Variants in CHTF18 observed in about 807,000 individuals in gnomAD.
CHTF18 encodes chromosome transmission fidelity protein 18 homolog.
In CHTF18, 151 loss-of-function variants were observed where a neutral mutation model predicts 113.4. That is an observed-to-expected ratio of 1.33 (90% CI 1.17 to 1.52). The LOEUF (loss-of-function observed/expected upper bound fraction) is 1.52, where lower values mean the gene tolerates loss of function less well. CHTF18 is among the 40% of genes most tolerant of loss of function. CHTF18 has a pLI of 0.00. For missense variants in CHTF18, 1,982 were observed against 1,381.6 expected, an observed-to-expected ratio of 1.43 and a Z score of -6.89; for synonymous variants, 916 against 598.8, an observed-to-expected ratio of 1.53 and a Z score of -7.74.
chr16:794,822 C>T lies in CHTF18; in HGVS notation c.1951-310C>T, dbSNP rs540684684. ...GGAGGGGCTGAGTGAGGCTGGATCCCTTTGGTTCCTGGAGGCCTCCTGGTG... is the reference window on the plus strand; with the variant it reads ...GGAGGGGCTGAGTGAGGCTGGATCCTTTTGGTTCCTGGAGGCCTCCTGGTG... On this transcript the variant is annotated intron_variant, in intron 15 of 21. Transcript: ENST00000262315. The T allele has an allele frequency of 8.0e-5, 34 of 423,520 alleles. No homozygotes were observed. In the South Asian group the frequency reaches 8.4e-4, roughly 10 times the overall value. 26.2% of individuals were successfully genotyped at this position (423,520 alleles called of 1,614,324 possible).
At chr16:791,971 C>G (rs371033598) in intron 9 of CHTF18, 23 bp downstream of exon 9, 4 of 1,591,388 alleles carry the variant, frequency 2.5e-6, no homozygotes, top group East Asian at 4.6e-5. Context: ...AGGTCCGTCT[C>G]TGGCTCGCCT....
intron 4 of CHTF18, chr16:789,938 C>G: frequency 6.7e-7 from 1 of 1,499,876 alleles, no homozygotes; most frequent in Non-Finnish European, 8.9e-7. Context: ...GAGAGGGCCT[C>G]CTTGCTTCCC....
At chr16:789,789 C>T (rs527639676) in intron 4 of CHTF18, 74 bp downstream of exon 4, 3 of 1,458,432 alleles carry the variant, frequency 2.1e-6, no homozygotes, top group African/African-American at 1.4e-5. Flanking sequence ...AGCCCCTCAC[C>T]CCTGCCATTT....
Position 792,353 on chromosome 16 carries a change from C to T in CHTF18, c.1326+6C>T, listed in dbSNP as rs1343247362. 7 of 1,556,506 alleles carry T rather than the reference C, an allele frequency of 4.5e-6. No homozygotes were observed. The highest frequency in any genetic ancestry group is 1.7e-4 in the Middle Eastern group (1 of 6,020). ...AGATCGACGGGGCCCCCGTGGTGGGCTCCTTGATGCCTGGGTAGGTGGGTG... is the reference window on the plus strand; with the variant it reads ...AGATCGACGGGGCCCCCGTGGTGGGTTCCTTGATGCCTGGGTAGGTGGGTG... On this transcript the variant is annotated splice_donor_region_variant and intron_variant, in intron 10 of 21. Transcript: ENST00000262315.
Position 789,347 on chromosome 16 carries a change from C to A in CHTF18, c.424C>A (p.Leu142Ile), listed in dbSNP as rs759970104. Residue 142 changes from leucine (L) to isoleucine (I), a missense_variant, in exon 3 of 22, where the codon CTT becomes ATT. Coordinates refer to ENST00000262315, the MANE Select transcript of CHTF18 (RefSeq NM_022092.3). ...PPPSPEDLAE[L>I]WGHGVSEAAA... is the part of the protein sequence containing the mutation. ...GCCGAGCCCTGAGGACCTCGCAGAGCTTTGGGGCCACGGGTGTGTGGCTTG... is the reference window on the plus strand; with the variant it reads ...GCCGAGCCCTGAGGACCTCGCAGAGATTTGGGGCCACGGGTGTGTGGCTTG... 2.5e-6 allele frequency: 4 copies of A among 1,595,232 alleles called. No individual in the cohort carries two copies. Among genetic ancestry groups the A allele is most frequent in the African/African-American group, 1.3e-5 (1 of 74,554 alleles).
Position 789,195 on chromosome 16 carries a change from A to C in CHTF18, c.287-15A>C. The C allele has an allele frequency of 6.4e-7, 1 of 1,550,562 alleles. No homozygotes were observed. The highest frequency in any genetic ancestry group is 8.7e-7 in the Non-Finnish European group (1 of 1,147,134). ...GCTGAGGAGGCCTCTGGTTCCCTGC[A>C]TGTGTCTCCCCCAGCCCCCAGGATC... On this transcript the variant is annotated splice_polypyrimidine_tract_variant and intron_variant, in intron 2 of 21. Coordinates refer to ENST00000262315, the MANE Select transcript of CHTF18 (RefSeq NM_022092.3).
rs137893865 is a variant in CHTF18, at chr16:790,294, G to A, written c.699+25G>A. ...GGTAGGGGCTGCGGGTTTGCTGGGG[G>A]GCGGTGGCGGGGCCGCCTGAGCCCT... On this transcript the variant is annotated intron_variant, in intron 5 of 21. Coordinates refer to ENST00000262315, the MANE Select transcript of CHTF18 (RefSeq NM_022092.3). 412 of 1,608,986 alleles carry A rather than the reference G, an allele frequency of 2.6e-4. 1 individual carries two copies. In the African/African-American group the frequency reaches 4.6e-3, roughly 18 times the overall value.
chr16:795,663 C>T (rs751366225), intron 16 of CHTF18, 22 bp from the exon 17 acceptor site: 3 of 1,562,416 alleles, frequency 1.9e-6, no homozygotes, highest in Non-Finnish European at 2.6e-6. Flanking sequence ...GTGACCAGGC[C>T]TTGGCTCACC....
chr16:793,307 T>C, intron 14 of CHTF18, 33 bp downstream of exon 14: 2 of 1,601,540 alleles, frequency 1.2e-6, no homozygotes, highest in Non-Finnish European at 1.7e-6. Flanking sequence ...GCCCAGATGC[T>C]CACGGTGCCC....
chr16:791,000 T>A, intron 7 of CHTF18, 161 bp from the exon 8 acceptor site: 1 of 1,458,652 alleles, frequency 6.9e-7, no homozygotes, highest in Non-Finnish European at 9.0e-7. Flanking sequence ...GTGGAGCCCC[T>A]GGTGTGAGCC....
chr16:790,908 C>A (rs1253723635), intron 7 of CHTF18: 10 of 1,432,784 alleles, frequency 7.0e-6, no homozygotes, highest in Non-Finnish European at 7.3e-6. Context: ...TGTTCCCTTT[C>A]CTACCTTCAC....
Position 796,069 on chromosome 16 carries a change from G to A in CHTF18, c.2448G>A (p.Arg816=), listed in dbSNP as rs142211274. Residue 816 remains arginine (R), a synonymous_variant, in exon 18 of 22, where the codon AGG becomes AGA. Transcript: ENST00000262315. Reference sequence around the variant, plus strand: ...CGCCCGATGGCCAGTACATCTACAGGCTGGAGCCGTGAGTCCCCCAGTGCC... The same window carrying A: ...CGCCCGATGGCCAGTACATCTACAGACTGGAGCCGTGAGTCCCCCAGTGCC... The part of the protein sequence containing the change: ...ERTPDGQYIY[R]LEPNVEELCR... 0.012 allele frequency: 19,003 copies of A among 1,602,056 alleles called. 158 individuals carry two copies. The highest frequency in any genetic ancestry group is 0.014 in the Non-Finnish European group (16,892 of 1,175,364).
rs1237247473 is a variant in CHTF18 at position 797,110 on chromosome 16, G to T, written c.2733+18G>T. 3 of 1,498,638 alleles carry T rather than the reference G, an allele frequency of 2.0e-6. No homozygotes were observed. Among genetic ancestry groups the T allele is most frequent in the Non-Finnish European group, 2.7e-6 (3 of 1,129,942 alleles). 92.8% of individuals were successfully genotyped at this position (1,498,638 alleles called of 1,614,324 possible). On this transcript the variant is annotated intron_variant, in intron 20 of 21. Transcript: ENST00000262315. ...AGGAACAGGTGTGGAATGGGCAGCT[G>T]TGGGGGTGGGACCAGGGTACATACC...
In CHTF18 at chr16:790,419, C is replaced by G; in HGVS notation, c.752+20C>G. The G allele has an allele frequency of 6.2e-7, 1 of 1,612,212 alleles. No individual in the cohort carries two copies. The highest frequency in any genetic ancestry group is 8.5e-7 in the Non-Finnish European group (1 of 1,179,722). On this transcript the variant is annotated intron_variant, in intron 6 of 21. Transcript: ENST00000262315. ...GCACAGGTGACTTGGTTGGCCCTTC[C>G]GCCCTGGGGACCCTTGTTGGCTCTT... is the stretch of plus-strand genomic sequence containing the variant.
chr16:790,560 T>C lies in CHTF18; in HGVS notation c.788T>C (p.Leu263Ser). ...RSGEEEAAQP[L>S]GAPEEEPTDG... ...GGGGAGGAGGAGGCAGCCCAGCCCT[T>C]GGGGGCCCCTGAGGAGGAGCCGACT... is the stretch of plus-strand genomic sequence containing the variant. The change falls in exon 7 of 22, where the codon TTG becomes TCG. Residue 263 changes from leucine to serine, a missense_variant. By Grantham distance (145) the Leu-to-Ser change is moderately radical. Coordinates refer to ENST00000262315, the MANE Select transcript of CHTF18 (RefSeq NM_022092.3). The C allele has an allele frequency of 6.3e-7, 1 of 1,596,906 alleles. No individual in the cohort carries two copies. Among genetic ancestry groups the C allele is most frequent in the East Asian group, 2.3e-5 (1 of 44,214 alleles).
In CHTF18 at chr16:792,441, C is replaced by T. The variant is rs758299707; in HGVS notation, c.1329C>T (p.Ala443=). The T allele has an allele frequency of 3.3e-5, 52 of 1,561,644 alleles. 1 individual carries two copies. The highest frequency in any genetic ancestry group is 1.7e-4 in the Middle Eastern group (1 of 6,026). ...CGTGTCCTCTGACCTCCCCCAAGGC[C>T]GCCATCAACGTCCTCCTGAGCATCC... The part of the protein sequence containing the change: ...VIDEIDGAPV[A]AINVLLSILN... Residue 443 remains alanine, a splice_region_variant and synonymous_variant, in exon 11 of 22, where the codon GCC becomes GCT. Transcript: ENST00000262315.
intron 15 of CHTF18, 38 bp downstream of exon 15, chr16:794,239 C>A (rs773990680): frequency 1.3e-6 from 2 of 1,599,938 alleles, no homozygotes; most frequent in Non-Finnish European, 1.7e-6. Flanking sequence ...CTGGGGCCGC[C>A]TGGCTAGGAC....
In CHTF18 at chr16:789,023, G is replaced by A. The variant is rs1335459467; in HGVS notation, c.184G>A (p.Ala62Thr). 3.9e-6 allele frequency: 6 copies of A among 1,536,324 alleles called. No individual in the cohort carries two copies. The highest frequency in any genetic ancestry group is 4.4e-6 in the Non-Finnish European group (5 of 1,143,102). The change falls in exon 2 of 22, where the codon GCC becomes ACC. Residue 62 changes from alanine to threonine, a missense_variant. Transcript: ENST00000262315. Reference protein sequence around the residue: ...FEEALARGDAASSPAPAASVG... With the variant: ...FEEALARGDATSSPAPAASVG... ...GGAGGCCCTTGCCAGAGGGGACGCG[G>A]CCTCCAGTCCCGCCCCAGCCGCATC... is the stretch of plus-strand genomic sequence containing the variant.
intron 14 of CHTF18, chr16:793,790 G>A: frequency 3.0e-6 from 2 of 661,308 alleles, no homozygotes; most frequent in Non-Finnish European, 2.7e-6. Context: ...CCCGGAGGGG[G>A]ACTTTCCCTG....
Sources: allele counts gnomAD v4.1 joint callset, GRCh38; gene constraint gnomAD v4.1.1; transcripts MANE v1.5; gene names NCBI Gene and HGNC (gene_info 2026-07-23, HGNC 2026-07-21).